Variants in MET observed in about 807,000 individuals in gnomAD.
MET encodes the protein MET proto-oncogene, receptor tyrosine kinase, also known as hepatocyte growth factor receptor.
In MET, 48 loss-of-function variants were observed where a neutral mutation model predicts 133.1. That is an observed-to-expected ratio of 0.36 (90% confidence interval 0.29 to 0.46). The LOEUF is 0.46. Among genes scored for constraint, MET ranks in the 20% least tolerant of loss-of-function variants. The pLI, the probability that MET is intolerant of heterozygous loss-of-function variation, is 1.00. For synonymous variants in MET, 628 were observed against 616.5 expected, an observed-to-expected ratio of 1.02 and a Z score of -0.28; for missense variants, 1,442 against 1,695.9, an observed-to-expected ratio of 0.85 and a Z score of 2.63.
intron 2 of MET, among the ~76,000 whole-genome samples, chr7:116,719,409 G>A (rs1233590044): frequency 8.2e-4 from 123 of 149,166 alleles, no homozygotes; most frequent in African/African-American, 2.7e-3. Flanking sequence ...AGATGAGTAG[G>A]TTGCAAAAAT....
intron 19 of MET, among the ~76,000 whole-genome samples, chr7:116,784,136 G>A (rs886546761): frequency 2.6e-5 from 4 of 152,204 alleles, no homozygotes; most frequent in Non-Finnish European, 5.9e-5. Context: ...TGTGGCAGAA[G>A]AGCAGGAAAG....
rs2116984374 is a variant in MET at position 116,769,768 on chromosome 7, T to C, written c.2707T>C (p.Leu903=). The C allele has an allele frequency of 6.2e-7, 1 of 1,613,848 alleles. No homozygotes were observed. The part of the protein sequence containing the change: ...LCTVPNDLLK[L]NSELNIEWKQ... ...CACGGTCCCCAATGACCTGCTGAAATTGAACAGCGAGCTAAATATAGAGGT... is the reference window on the plus strand; with the variant it reads ...CACGGTCCCCAATGACCTGCTGAAACTGAACAGCGAGCTAAATATAGAGGT... Residue 903 remains leucine, a synonymous_variant, in exon 12 of 21, where the codon TTG becomes CTG. Coordinates refer to ENST00000397752, the MANE Select transcript of MET (RefSeq NM_000245.4).
chr7:116,758,489 C>T lies in MET; in HGVS notation c.2133C>T (p.Thr711=), dbSNP rs747803111. The T allele has an allele frequency of 1.2e-6, 2 of 1,612,830 alleles. No homozygotes were observed. Among genetic ancestry groups the T allele is most frequent in the South Asian group, 1.1e-5 (1 of 90,954 alleles). The change falls in exon 9 of 21, where the codon ACC becomes ACT. Residue 711 remains threonine (T), a synonymous_variant. Transcript: ENST00000397752. ...CAAACAGTATTCTTGAATGTTATAC[C>T]CCAGCCCAAACCATTTCAACTGAGT... is the stretch of plus-strand genomic sequence containing the variant. ...SVSNSILECY[T]PAQTISTEFA...
chr7:116,755,075 C>T (rs1273739875), intron 5 of MET, among the ~76,000 whole-genome samples: 2 of 142,550 alleles, frequency 1.4e-5, no homozygotes, highest in African/African-American at 5.1e-5. Context: ...TCGAAAAGCC[C>T]CTTTATTCCT....
intron 15 of MET, 144 bp downstream of exon 15, chr7:116,775,255 G>T (rs1794958883): frequency 1.3e-6 from 1 of 799,804 alleles, no homozygotes. Flanking sequence ...CTGTTCTATA[G>T]AAATGTAGCC....
rs537544527 is a variant in MET, at chr7:116,768,028, A to G, written c.2584-1617A>G. ...TGTGTATACATATGTGTGTGTGTGTATATATATATATATATAACTGATAGT... is the reference window on the plus strand; with the variant it reads ...TGTGTATACATATGTGTGTGTGTGTGTATATATATATATATAACTGATAGT... On this transcript the variant is annotated intron_variant, in intron 11 of 20. Coordinates refer to ENST00000397752, the MANE Select transcript of MET (RefSeq NM_000245.4). Among the ~76,000 whole-genome samples, 226 of 144,932 alleles carry G rather than the reference A, an allele frequency of 1.6e-3. 4 individuals carry two copies. The South Asian group carries it at 0.016, about 10-fold the overall frequency.
intron 2 of MET, among the ~76,000 whole-genome samples, chr7:116,717,689 A>C (rs1187413403): frequency 6.6e-6 from 1 of 152,206 alleles, no homozygotes; most frequent in African/African-American, 2.4e-5. Context: ...CATTTTTAAA[A>C]ATTTTATTTG....
chr7:116,780,679 C>T (rs1795131088), intron 17 of MET, among the ~76,000 whole-genome samples: 1 of 152,222 alleles, frequency 6.6e-6, no homozygotes, highest in Admixed American at 6.5e-5. Context: ...AAAGAGAAAC[C>T]TAAAACCAGG....
intron 2 of MET, among the ~76,000 whole-genome samples, chr7:116,712,704 AC>A (rs1792045550): frequency 6.7e-6 from 1 of 150,244 alleles, no homozygotes; most frequent in Admixed American, 6.6e-5. Flanking sequence ...CGTCCCCCCC[AC>A]ACACACCCTC....
rs1794949535 is a variant in MET at position 116,774,976 on chromosome 7, A to G, written c.3124A>G (p.Ile1042Val). 1 of 1,614,156 alleles carries G rather than the reference A, an allele frequency of 6.2e-7. No homozygotes were observed. Among genetic ancestry groups the G allele is most frequent in the African/African-American group, 1.3e-5 (1 of 75,054 alleles). The change falls in exon 15 of 21, where the codon ATA becomes GTA. Residue 1042 changes from isoleucine to valine, a missense_variant. Physicochemically the swap from Ile to Val is conservative, Grantham distance 29. Coordinates refer to ENST00000397752, the MANE Select transcript of MET (RefSeq NM_000245.4). The part of the protein sequence containing the change: ...SPILTSGDSD[I>V]SSPLLQNTVH... The stretch of plus-strand genomic sequence containing the variant: ...CATCCTAACTAGTGGGGACTCTGAT[A>G]TATCCAGTCCATTACTGCAAAATAC...
Position 116,771,994 on chromosome 7 carries a change from A to G in MET, c.3028+5A>G. ...ACCGAGCTACTTTTCCAGAAGGTAT[A>G]TTTCAGTTTATTGTTCTGAGAAATA... On this transcript the variant is annotated splice_donor_5th_base_variant and intron_variant, in intron 14 of 20. Transcript: ENST00000397752. 6.2e-7 allele frequency: 1 copy of G among 1,613,518 alleles called. No individual in the cohort carries two copies. Among genetic ancestry groups the G allele is most frequent in the Non-Finnish European group, 8.5e-7 (1 of 1,179,608 alleles).
At chr7:116,777,535 A>G (rs904951445) in intron 16 of MET, 66 bp downstream of exon 16, 9 of 1,429,292 alleles carry the variant, frequency 6.3e-6, no homozygotes, top group Non-Finnish European at 8.9e-6. Context: ...AATAGCTTAT[A>G]ATAAAACGTT....
chr7:116,691,834 C>A (rs1184213247), intron 1 of MET, among the ~76,000 whole-genome samples: 1 of 152,126 alleles, frequency 6.6e-6, no homozygotes, highest in African/African-American at 2.4e-5. Flanking sequence ...CATACTCAAC[C>A]CTGACCAAGC....
intron 2 of MET, among the ~76,000 whole-genome samples, chr7:116,702,236 G>T (rs952871672): frequency 6.6e-6 from 1 of 152,082 alleles, no homozygotes; most frequent in African/African-American, 2.4e-5. Context: ...GAAACAAGAT[G>T]GAACTTGCCA....
At chr7:116,779,882 G>C (rs1202794615) in intron 17 of MET, among the ~76,000 whole-genome samples, 2 of 152,016 alleles carry the variant, frequency 1.3e-5, no homozygotes, top group Non-Finnish European at 2.9e-5. Flanking sequence ...TATATTACAT[G>C]TGTGTCTTGC....
Position 116,795,607 on chromosome 7 carries a change from G to A in MET, c.3799-48G>A, listed in dbSNP as rs1416864415. 2.5e-6 allele frequency: 4 copies of A among 1,611,940 alleles called. No homozygotes were observed. In the South Asian group the frequency reaches 3.3e-5, roughly 13 times the overall value. Reference sequence around the variant, plus strand: ...GACCTACTGATTTCCTTTCATATATGTATGGTCACATCTCTCACCTCATCT... The same window carrying A: ...GACCTACTGATTTCCTTTCATATATATATGGTCACATCTCTCACCTCATCT... On this transcript the variant is annotated intron_variant, in intron 19 of 20. Transcript: ENST00000397752.
chr7:116,724,067 T>C (rs1024758521), intron 2 of MET: 151 of 170,202 alleles, frequency 8.9e-4, no homozygotes, highest in Non-Finnish European at 1.2e-3. Flanking sequence ...CAATGGCGGG[T>C]GCCCCTCCCC....
At chr7:116,714,984 G>C (rs2116675817) in intron 2 of MET, among the ~76,000 whole-genome samples, 1 of 152,260 alleles carries the variant, frequency 6.6e-6, no homozygotes, top group East Asian at 1.9e-4. Context: ...CCATTTTACA[G>C]ATGATGAAAT....
chr7:116,779,756 G>A (rs1213295164), intron 17 of MET, among the ~76,000 whole-genome samples: 2 of 152,066 alleles, frequency 1.3e-5, no homozygotes, highest in African/African-American at 4.8e-5. Context: ...CTCACTAGTA[G>A]TTGTTTATAT....
Sources: allele counts gnomAD v4.1 joint callset (sites outside exome capture counted in the v4.1 genomes callset), GRCh38; gene constraint gnomAD v4.1.1; transcripts MANE v1.5; gene names NCBI Gene and HGNC (gene_info 2026-07-23, HGNC 2026-07-21).